Variants in THSD4 observed in about 807,000 individuals in gnomAD.
The protein encoded by THSD4 is thrombospondin type 1 domain containing 4, also known as thrombospondin type-1 domain-containing protein 4.
Under a neutral mutation model 119.0 loss-of-function variants are expected in THSD4, and 69 were observed. That is an observed-to-expected ratio of 0.58 (90% CI 0.48 to 0.71). THSD4 has a LOEUF of 0.71. Ranked by LOEUF, THSD4 falls within the 30% of genes least tolerant of loss-of-function variation. THSD4 has a pLI of 0.00. For missense variants in THSD4, 1,393 were observed against 1,391.1 expected (o/e 1.00, Z -0.02); for synonymous variants, 524 against 540.4 (o/e 0.97, Z 0.42).
chr15:71,451,735 T>C (rs1420184597), intron 7 of THSD4, among the ~76,000 whole-genome samples: 1 of 152,176 alleles, frequency 6.6e-6, no homozygotes, highest in Non-Finnish European at 1.5e-5. Context: ...CCAGAGTTCC[T>C]CCCTCCTTCT....
chr15:71,773,413 G>A (rs1422441478), intron 17 of THSD4, among the ~76,000 whole-genome samples: 2 of 152,074 alleles, frequency 1.3e-5, no homozygotes, highest in Admixed American at 6.5e-5. Flanking sequence ...CTATGTCAAA[G>A]GCTTCTAGCT....
intron 3 of THSD4, among the ~76,000 whole-genome samples, chr15:71,192,875 C>T (rs1212491591): frequency 1.3e-5 from 2 of 152,274 alleles, no homozygotes; most frequent in South Asian, 2.1e-4. Flanking sequence ...CCTAACAGCC[C>T]TCTGCACAGC....
At chr15:71,188,755 C>T (rs887827147) in intron 3 of THSD4, 2 of 152,586 alleles carry the variant, frequency 1.3e-5, no homozygotes, top group Non-Finnish European at 2.9e-5. Context: ...GTTTTAACAT[C>T]AGTTAAAATA....
At chr15:71,708,675 C>T (rs575571827) in intron 8 of THSD4, among the ~76,000 whole-genome samples, 8 of 152,214 alleles carry the variant, frequency 5.3e-5, no homozygotes, top group Admixed American at 1.3e-4. Context: ...TTTTGCCAAA[C>T]GGATTTTCAT....
chr15:71,156,693 A>T (rs2040781500), intron 3 of THSD4, among the ~76,000 whole-genome samples: 3 of 152,096 alleles, frequency 2.0e-5, no homozygotes, highest in Admixed American at 2.0e-4. Context: ...TTATAGTCTA[A>T]TTTATTTTCT....
chr15:71,509,196 C>T (rs1369364745), intron 7 of THSD4, among the ~76,000 whole-genome samples: 1 of 152,122 alleles, frequency 6.6e-6, no homozygotes, highest in Admixed American at 6.5e-5. Context: ...GAAGGCCTAC[C>T]TCCAGAATGA....
intron 8 of THSD4, among the ~76,000 whole-genome samples, chr15:71,688,754 CAAGAGAGAG>C (rs889704190): frequency 4.3e-5 from 6 of 140,084 alleles, no homozygotes; most frequent in South Asian, 2.2e-4. Context: ...TGTGACAGAG[CAAGAGAGAG>C]AAGAGAGAGA....
chr15:71,703,271 G>T (rs982791345), intron 8 of THSD4, among the ~76,000 whole-genome samples: 1 of 152,124 alleles, frequency 6.6e-6, no homozygotes, highest in African/African-American at 2.4e-5. Flanking sequence ...CACCACACTC[G>T]GCCAGGCTCC....
intron 7 of THSD4, among the ~76,000 whole-genome samples, chr15:71,539,670 G>T (rs2048731702): frequency 6.6e-6 from 1 of 152,098 alleles, no homozygotes; most frequent in South Asian, 2.1e-4. Flanking sequence ...ATTTCCTTGA[G>T]GAATATACCT....
intron 6 of THSD4, among the ~76,000 whole-genome samples, chr15:71,357,550 G>A (rs1397863490): frequency 6.6e-6 from 1 of 152,176 alleles, no homozygotes; most frequent in Non-Finnish European, 1.5e-5. Flanking sequence ...TGAGGCACTG[G>A]GGAGGCTATG....
In THSD4 at chr15:71,574,711, C is replaced by G. The variant is rs369726697; in HGVS notation, c.1153-85819C>G. On this transcript the variant is annotated intron_variant, in intron 7 of 17. Coordinates refer to ENST00000261862, the MANE Select transcript of THSD4 (RefSeq NM_024817.3). ...TGTAGTGCCCAGGTTAGAGGTGATA[C>G]AAGACCTCTAAACATGAGGTCTTAT... Among the ~76,000 whole-genome samples the G allele has an allele frequency of 9.9e-4, 151 of 152,268 alleles. 2 individuals are homozygous for G. In the South Asian group the frequency reaches 0.029, roughly 29 times the overall value.
chr15:71,451,484 C>A (rs1027034829), intron 7 of THSD4, among the ~76,000 whole-genome samples: 2 of 152,130 alleles, frequency 1.3e-5, no homozygotes, highest in African/African-American at 4.8e-5. Context: ...GCTTTCCCTG[C>A]CTGCATCTGC....
At chr15:71,365,674 G>A (rs529084453) in intron 6 of THSD4, among the ~76,000 whole-genome samples, 3 of 152,222 alleles carry the variant, frequency 2.0e-5, no homozygotes, top group Middle Eastern at 3.4e-3. Flanking sequence ...GATGAATCTT[G>A]TTAAGTCCAA....
intron 7 of THSD4, among the ~76,000 whole-genome samples, chr15:71,621,975 G>T (rs982554527): frequency 5.3e-5 from 8 of 152,042 alleles, no homozygotes; most frequent in Non-Finnish European, 7.4e-5. Flanking sequence ...ATCTTACTTG[G>T]CTGTTAGCAT....
At chr15:71,251,139 T>G (rs1203268851) in intron 5 of THSD4, among the ~76,000 whole-genome samples, 3 of 152,202 alleles carry the variant, frequency 2.0e-5, no homozygotes, top group African/African-American at 7.2e-5. Flanking sequence ...ATTAAACATA[T>G]TTGAAAAATG....
At chr15:71,194,863 T>C (rs1348103349) in intron 3 of THSD4, among the ~76,000 whole-genome samples, 1 of 152,096 alleles carries the variant, frequency 6.6e-6, no homozygotes, top group Non-Finnish European at 1.5e-5. Context: ...TAGTTATACC[T>C]TGTGGGATGT....
chr15:71,663,820 G>C (rs1029329337), intron 8 of THSD4, among the ~76,000 whole-genome samples: 2 of 152,174 alleles, frequency 1.3e-5, no homozygotes, highest in Middle Eastern at 3.4e-3. Context: ...TGAGGGTTCT[G>C]GTTTTCTTAC....
At chr15:71,431,432 A>T (rs1439284958) in intron 7 of THSD4, among the ~76,000 whole-genome samples, 1 of 152,170 alleles carries the variant, frequency 6.6e-6, no homozygotes, top group Non-Finnish European at 1.5e-5. Flanking sequence ...GAACACTTGC[A>T]AATGTCTTTC....
chr15:71,297,315 C>CTT (rs772196153), intron 6 of THSD4, among the ~76,000 whole-genome samples: 4 of 137,660 alleles, frequency 2.9e-5, no homozygotes, highest in Non-Finnish European at 6.2e-5. Context: ...CTCTCCTCTT[C>CTT]TTTTTTTTGT....
Sources: gnomAD v4.1 joint callset for allele counts (sites outside exome capture counted in the v4.1 genomes callset) on GRCh38, gnomAD v4.1.1 for gene constraint, MANE v1.5 for transcripts, NCBI Gene and HGNC (gene_info 2026-07-23, HGNC 2026-07-21) for gene names.